NRXN3: variants seen among roughly 807,000 people sequenced by gnomAD.
The protein encoded by NRXN3 is neurexin 3.
A neutral mutation model predicts 137.6 loss-of-function variants in NRXN3; 32 were observed. The observed-to-expected ratio is 0.23, with a 90% CI of 0.18 to 0.31. NRXN3 has a LOEUF of 0.31. Among genes scored for constraint, NRXN3 ranks in the 10% least tolerant of loss-of-function variants. The pLI is 1.00. For missense variants in NRXN3, 1,574 were observed against 2,062.5 expected (o/e 0.76, Z 4.59); for synonymous variants, 798 against 784.5 (o/e 1.02, Z -0.29).
intron 15 of NRXN3, among the ~76,000 whole-genome samples, chr14:79,315,607 A>G (rs1667626291): frequency 6.6e-6 from 1 of 152,238 alleles, no homozygotes; most frequent in African/African-American, 2.4e-5. Context: ...ACCAAAGTGC[A>G]GAAAAATATT....
intron 15 of NRXN3, among the ~76,000 whole-genome samples, chr14:79,202,655 G>A (rs774709865): frequency 3.3e-5 from 5 of 152,160 alleles, no homozygotes; most frequent in Admixed American, 6.5e-5. Flanking sequence ...CCTGAGTTAC[G>A]TCATTTAGAA....
intron 15 of NRXN3, among the ~76,000 whole-genome samples, chr14:79,248,058 T>C (rs1457953810): frequency 6.6e-6 from 1 of 152,170 alleles, no homozygotes; most frequent in Non-Finnish European, 1.5e-5. Context: ...AGCCTTGAAC[T>C]CCTGGGCTCA....
At chr14:78,466,471 A>C (rs1159923020) in intron 4 of NRXN3, among the ~76,000 whole-genome samples, 1 of 152,192 alleles carries the variant, frequency 6.6e-6, no homozygotes, top group Non-Finnish European at 1.5e-5. Context: ...AAGGGATGGA[A>C]ATGAATGTTG....
intron 19 of NRXN3, among the ~76,000 whole-genome samples, chr14:79,795,753 C>G (rs1019402448): frequency 6.6e-6 from 1 of 151,946 alleles, no homozygotes; most frequent in Admixed American, 6.6e-5. Flanking sequence ...GAAAAGATAG[C>G]CTTGTATTTC....
chr14:78,470,018 A>G (rs372034390), intron 4 of NRXN3, among the ~76,000 whole-genome samples: 79 of 152,328 alleles, frequency 5.2e-4, no homozygotes, highest in African/African-American at 1.8e-3. Context: ...CAACAACAGA[A>G]TATCTGGGTT....
intron 16 of NRXN3, among the ~76,000 whole-genome samples, chr14:79,635,904 G>A (rs764808137): frequency 1.3e-5 from 2 of 152,034 alleles, no homozygotes; most frequent in Non-Finnish European, 2.9e-5. Flanking sequence ...GGCCCTTATG[G>A]AACCATGAGA....
intron 15 of NRXN3, among the ~76,000 whole-genome samples, chr14:79,296,500 T>G (rs954686311): frequency 6.6e-6 from 1 of 151,468 alleles, no homozygotes; most frequent in Non-Finnish European, 1.5e-5. Context: ...TGCTGAGTTA[T>G]GGGCTTGTAG....
chr14:79,478,960 G>A (rs1217480204), intron 16 of NRXN3, among the ~76,000 whole-genome samples: 1 of 152,012 alleles, frequency 6.6e-6, no homozygotes, highest in Admixed American at 6.6e-5. Context: ...TCACCTTTTG[G>A]AGCTTCAGTT....
chr14:79,779,355 C>A (rs1211493206), intron 19 of NRXN3, among the ~76,000 whole-genome samples: 24 of 152,068 alleles, frequency 1.6e-4, no homozygotes, highest in Admixed American at 1.6e-3. Context: ...TCAGGTGATC[C>A]GCCCACCTCG....
intron 15 of NRXN3, among the ~76,000 whole-genome samples, chr14:79,276,688 T>A (rs1383979205): frequency 6.8e-6 from 1 of 146,734 alleles, no homozygotes; most frequent in African/African-American, 2.6e-5. Context: ...GTCAAAGCAG[T>A]CTCCAATGCT....
chr14:79,565,302 T>TACATATACAC (rs1567520395), intron 16 of NRXN3, among the ~76,000 whole-genome samples: 2 of 147,310 alleles, frequency 1.4e-5, no homozygotes, highest in African/African-American at 5.0e-5. Flanking sequence ...CATGTGTATA[T>TACATATACAC]ACATATACAC....
chr14:79,063,495 G>T (rs2099676800), intron 15 of NRXN3, among the ~76,000 whole-genome samples: 1 of 152,080 alleles, frequency 6.6e-6, no homozygotes. Flanking sequence ...TGTTGGTCAG[G>T]CTGGTCTCGA....
At chr14:78,392,115 C>T (rs963958983) in intron 4 of NRXN3, among the ~76,000 whole-genome samples, 6 of 152,106 alleles carry the variant, frequency 3.9e-5, no homozygotes, top group Admixed American at 1.3e-4. Context: ...AAAGAGCTAC[C>T]GATGAGAAAT....
rs78997371 is a variant in NRXN3 at position 78,608,751 on chromosome 14, T to A, written c.758-36369T>A. On this transcript the variant is annotated intron_variant, in intron 4 of 20. Coordinates refer to ENST00000335750, the MANE Select transcript of NRXN3 (RefSeq NM_001330195.2). ...TAGCCTAGCCTGGGTCGCTCCCCTC[T>A]GAGAAGATTACAGTGTAATATGATA... Among the ~76,000 whole-genome samples the A allele has an allele frequency of 4.3e-3, 654 of 152,300 alleles. 5 individuals carry two copies. Among genetic ancestry groups the A allele is most frequent in the African/African-American group, 0.014 (598 of 41,560 alleles).
At chr14:79,638,967 G>A (rs142890725) in intron 16 of NRXN3, among the ~76,000 whole-genome samples, 2 of 152,250 alleles carry the variant, frequency 1.3e-5, no homozygotes, top group African/African-American at 4.8e-5. Flanking sequence ...AATTGCCAGG[G>A]GAGGAACAAG....
At chr14:79,215,788 G>C (rs1480606580) in intron 15 of NRXN3, among the ~76,000 whole-genome samples, 2 of 152,146 alleles carry the variant, frequency 1.3e-5, no homozygotes, top group African/African-American at 4.8e-5. Flanking sequence ...GGTCAGATTG[G>C]TAAAAGTTAT....
intron 15 of NRXN3, among the ~76,000 whole-genome samples, chr14:79,366,767 T>A (rs1389637964): frequency 6.6e-6 from 1 of 152,164 alleles, no homozygotes; most frequent in Non-Finnish European, 1.5e-5. Context: ...AGCATGTGTG[T>A]GGCACAGGGA....
intron 10 of NRXN3, among the ~76,000 whole-genome samples, chr14:78,899,941 C>CT (rs945225424): frequency 6.6e-6 from 1 of 151,646 alleles, no homozygotes; most frequent in Non-Finnish European, 1.5e-5. Flanking sequence ...GTGTTCAGAC[C>CT]TTTTTTTTCT....
chr14:79,220,925 C>T (rs1199709824), intron 15 of NRXN3, among the ~76,000 whole-genome samples: 4 of 151,698 alleles, frequency 2.6e-5, no homozygotes, highest in Non-Finnish European at 5.9e-5. Flanking sequence ...CCCAACAGGC[C>T]CCGGTGTGTG....
Sources: allele counts gnomAD v4.1 joint callset (sites outside exome capture counted in the v4.1 genomes callset), GRCh38; gene constraint gnomAD v4.1.1; transcripts MANE v1.5; gene names NCBI Gene and HGNC (gene_info 2026-07-23, HGNC 2026-07-21).